NELL1: variants seen among roughly 807,000 people sequenced by gnomAD.
The protein encoded by NELL1 is protein kinase C-binding protein NELL1.
A neutral mutation model predicts 107.4 loss-of-function variants in NELL1; 76 were observed. That is an observed-to-expected ratio of 0.71 (90% CI 0.59 to 0.86). NELL1 has a LOEUF of 0.86. NELL1 is among the 40% of genes least tolerant of loss of function. The probability of loss-of-function intolerance (pLI) is 0.00; values close to 1 mark genes in which losing one functional copy is unlikely to be tolerated. For missense variants in NELL1, 1,024 were observed against 1,005.5 expected, an observed-to-expected ratio of 1.02 and a Z score of -0.25; for synonymous variants, 353 against 341.2, an observed-to-expected ratio of 1.03 and a Z score of -0.38.
chr11:20,933,033 C>A (rs1280993752), intron 9 of NELL1, among the ~76,000 whole-genome samples: 1 of 152,194 alleles, frequency 6.6e-6, no homozygotes, highest in Non-Finnish European at 1.5e-5. Flanking sequence ...GAATTGCATA[C>A]ACAAAATCAT....
rs189307906 is a variant in NELL1, at chr11:21,117,441, A to G, written c.1426+3727A>G. Among the ~76,000 whole-genome samples, 202 of 152,134 alleles carry G rather than the reference A, an allele frequency of 1.3e-3. 1 individual carries two copies. Among genetic ancestry groups the G allele is most frequent in the African/African-American group, 4.6e-3 (193 of 41,554 alleles). On this transcript the variant is annotated intron_variant, in intron 13 of 19. Transcript: ENST00000357134. ...GCTCAATAAACATTTGTTGAATGAA[A>G]TAATGCATAAAGCTACTTGACTTTG...
intron 2 of NELL1, among the ~76,000 whole-genome samples, chr11:20,748,238 T>C (rs931146792): frequency 6.6e-6 from 1 of 152,170 alleles, no homozygotes; most frequent in Non-Finnish European, 1.5e-5. Flanking sequence ...TCTGTCTACA[T>C]GTCCAGCAGT....
chr11:21,342,642 TAAAA>T (rs369016970), intron 14 of NELL1, among the ~76,000 whole-genome samples: 3,248 of 120,734 alleles, frequency 0.027, 51 homozygotes, highest in Middle Eastern at 0.09. Flanking sequence ...AGACTGTCTT[TAAAA>T]AAAAAAAAAA....
intron 14 of NELL1, among the ~76,000 whole-genome samples, chr11:21,275,427 A>G (rs1590794934): frequency 6.6e-6 from 1 of 152,264 alleles, no homozygotes; most frequent in East Asian, 1.9e-4. Context: ...CAACCAAAAA[A>G]AGTCCAGGAC....
intron 12 of NELL1, among the ~76,000 whole-genome samples, chr11:21,083,275 G>A (rs191398768): frequency 6.6e-6 from 1 of 152,330 alleles, no homozygotes; most frequent in Admixed American, 6.5e-5. Context: ...TGCTGGGTGT[G>A]TGTTACTCAT....
chr11:21,363,663 C>T (rs902648495), intron 14 of NELL1, among the ~76,000 whole-genome samples: 2 of 152,170 alleles, frequency 1.3e-5, no homozygotes, highest in African/African-American at 2.4e-5. Context: ...ATTGATCTGA[C>T]TTTAAATGTT....
At chr11:20,928,615 G>C in intron 9 of NELL1, 136 bp downstream of exon 9, 1 of 706,526 alleles carries the variant, frequency 1.4e-6, no homozygotes, top group Non-Finnish European at 2.4e-6. Flanking sequence ...TAAATATATG[G>C]TAAGAAGAGC....
At chr11:21,288,441 G>C (rs1849177115) in intron 14 of NELL1, among the ~76,000 whole-genome samples, 1 of 152,152 alleles carries the variant, frequency 6.6e-6, no homozygotes, top group Admixed American at 6.5e-5. Flanking sequence ...GCATCAACAA[G>C]TTGTCTGATT....
At chr11:21,209,235 T>C (rs1267969090) in intron 13 of NELL1, among the ~76,000 whole-genome samples, 1 of 151,718 alleles carries the variant, frequency 6.6e-6, no homozygotes, top group Non-Finnish European at 1.5e-5. Flanking sequence ...TTTCAGATTT[T>C]ACATTCTAGG....
At chr11:20,875,962 C>T (rs545079862) in intron 4 of NELL1, among the ~76,000 whole-genome samples, 3 of 152,214 alleles carry the variant, frequency 2.0e-5, no homozygotes, top group African/African-American at 4.8e-5. Flanking sequence ...GAGAAGACCT[C>T]TCTCCTCTCT....
At chr11:21,181,504 T>C (rs915630562) in intron 13 of NELL1, among the ~76,000 whole-genome samples, 3 of 151,850 alleles carry the variant, frequency 2.0e-5, no homozygotes, top group Non-Finnish European at 4.4e-5. Flanking sequence ...AGAAATGAGA[T>C]TGGAATCCCA....
chr11:20,766,962 T>C (rs1020044741), intron 2 of NELL1, among the ~76,000 whole-genome samples: 5 of 152,184 alleles, frequency 3.3e-5, no homozygotes, highest in African/African-American at 7.2e-5. Flanking sequence ...CAGGCTGGTC[T>C]TGAACTCCTG....
intron 2 of NELL1, among the ~76,000 whole-genome samples, chr11:20,694,492 A>C (rs2098062005): frequency 6.6e-6 from 1 of 152,120 alleles, no homozygotes; most frequent in South Asian, 2.1e-4. Flanking sequence ...ATGGCTGGTC[A>C]GTTATCCCAG....
chr11:21,135,408 G>A (rs1855723458), intron 13 of NELL1, among the ~76,000 whole-genome samples: 1 of 152,166 alleles, frequency 6.6e-6, no homozygotes, highest in South Asian at 2.1e-4. Context: ...AGAAAACTGA[G>A]GAAGATGATT....
At chr11:20,792,830 G>T (rs897595772) in intron 3 of NELL1, among the ~76,000 whole-genome samples, 2 of 151,868 alleles carry the variant, frequency 1.3e-5, no homozygotes, top group Non-Finnish European at 2.9e-5. Context: ...TATAGGCATT[G>T]TTTTAAATAC....
chr11:20,813,161 C>T (rs989273813), intron 3 of NELL1, among the ~76,000 whole-genome samples: 2 of 150,924 alleles, frequency 1.3e-5, no homozygotes, highest in Admixed American at 6.6e-5. Context: ...CTGCAGGTTA[C>T]TCCAAGGACA....
intron 12 of NELL1, among the ~76,000 whole-genome samples, chr11:21,031,817 G>A (rs1258100632): frequency 2.6e-5 from 4 of 151,982 alleles, no homozygotes; most frequent in Non-Finnish European, 5.9e-5. Flanking sequence ...GGAAGGGCGA[G>A]GCAGGCGGAT....
At chr11:20,747,485 C>G (rs944569287) in intron 2 of NELL1, among the ~76,000 whole-genome samples, 29 of 152,118 alleles carry the variant, frequency 1.9e-4, no homozygotes, top group African/African-American at 6.5e-4. Context: ...AACAGAATTT[C>G]TGAAACTGAG....
At chr11:20,788,700 A>AT (rs201557557) in intron 3 of NELL1, among the ~76,000 whole-genome samples, 22 of 147,228 alleles carry the variant, frequency 1.5e-4, no homozygotes, top group South Asian at 4.4e-4. Flanking sequence ...ATGATGTCCA[A>AT]TTTTTTTTTA....
Sources: gnomAD v4.1 joint callset for allele counts (sites outside exome capture counted in the v4.1 genomes callset) on GRCh38, gnomAD v4.1.1 for gene constraint, MANE v1.5 for transcripts, NCBI Gene and HGNC (gene_info 2026-07-23, HGNC 2026-07-21) for gene names.